Variants in RIMS2 observed in about 807,000 individuals in gnomAD.
The protein encoded by RIMS2 is regulating synaptic membrane exocytosis 2.
In RIMS2, 59 loss-of-function variants were observed where a neutral mutation model predicts 174.4. The ratio of observed to expected loss-of-function variants is 0.34; its 90% CI spans 0.27 to 0.42. The LOEUF (loss-of-function observed/expected upper bound fraction) is 0.42, where lower values mean the gene tolerates loss of function less well. Ranked by LOEUF, RIMS2 falls within the 10% of genes least tolerant of loss-of-function variation. RIMS2 has a pLI of 1.00. For synonymous variants in RIMS2, 606 were observed against 572.5 expected, an observed-to-expected ratio of 1.06 and a Z score of -0.84; for missense variants, 1,620 against 1,666.3, an observed-to-expected ratio of 0.97 and a Z score of 0.48.
intron 2 of RIMS2, among the ~76,000 whole-genome samples, chr8:103,698,053 T>A (rs1202611899): frequency 6.6e-6 from 1 of 152,242 alleles, no homozygotes; most frequent in East Asian, 1.9e-4. Context: ...CTTATTTATT[T>A]CAGTAGTTTT....
chr8:104,040,446 G>C (rs1368113947), intron 19 of RIMS2, among the ~76,000 whole-genome samples: 4 of 151,566 alleles, frequency 2.6e-5, no homozygotes, highest in African/African-American at 9.7e-5. Context: ...CCAAGTCACT[G>C]TATAAAATGT....
At chr8:104,040,393 A>G (rs1425900588) in intron 19 of RIMS2, among the ~76,000 whole-genome samples, 2 of 151,544 alleles carry the variant, frequency 1.3e-5, no homozygotes, top group African/African-American at 4.8e-5. Context: ...TTTGGAAGAA[A>G]TTTTTTCTTA....
chr8:103,623,480 T>TTG (rs2095688564), intron 1 of RIMS2, among the ~76,000 whole-genome samples: 1 of 127,926 alleles, frequency 7.8e-6, no homozygotes, highest in African/African-American at 3.0e-5. Flanking sequence ...TTTCTTCAGT[T>TTG]TTTTTTTTTT....
At chr8:103,961,215 G>T in intron 15 of RIMS2, 82 bp downstream of exon 17, 2 of 769,756 alleles carry the variant, frequency 2.6e-6, no homozygotes, top group Middle Eastern at 3.3e-4. Flanking sequence ...ATAAATAAAA[G>T]AGAAAGATAT....
rs150752819 is a variant in RIMS2, at chr8:103,917,669, A to G, written c.2037-772A>G. On this transcript the variant is annotated intron_variant, in intron 8 of 23. Transcript: ENST00000504942. ...TTTGGTGTAAATATAGTTCCAAGGT[A>G]ATGTTGAGATTCCCCATAAGAAACA... Among the ~76,000 whole-genome samples the G allele has an allele frequency of 3.3e-3, 503 of 152,294 alleles. 2 individuals carry two copies. The highest frequency in any genetic ancestry group is 0.011 in the African/African-American group (476 of 41,558).
chr8:103,957,758 A>T (rs888566131), intron 14 of RIMS2, among the ~76,000 whole-genome samples: 1 of 152,160 alleles, frequency 6.6e-6, no homozygotes, highest in Non-Finnish European at 1.5e-5. Context: ...AAGTGTAATA[A>T]TAAAAAAAGA....
intron 2 of RIMS2, among the ~76,000 whole-genome samples, chr8:103,735,770 A>C (rs190907667): frequency 2.0e-3 from 303 of 152,294 alleles, no homozygotes; most frequent in African/African-American, 6.9e-3. Context: ...TGTGCAGTAC[A>C]GGACAATGTT....
chr8:103,659,571 C>A (rs533112095), intron 1 of RIMS2, among the ~76,000 whole-genome samples: 1 of 152,326 alleles, frequency 6.6e-6, no homozygotes, highest in African/African-American at 2.4e-5. Flanking sequence ...CTCTTCACTG[C>A]CTGAGGACTT....
chr8:103,558,016 G>A (rs2090825339), intron 1 of RIMS2, among the ~76,000 whole-genome samples: 1 of 151,982 alleles, frequency 6.6e-6, no homozygotes, highest in South Asian at 2.1e-4. Context: ...AAAAATTTCT[G>A]TGATCTTAAA....
intron 19 of RIMS2, among the ~76,000 whole-genome samples, chr8:104,163,007 G>A (rs72685021): frequency 0.22 from 34,121 of 151,976 alleles, 4,561 homozygotes; most frequent in Non-Finnish European, 0.31. Flanking sequence ...AGACACAGTT[G>A]CAGTTATTTG....
intron 19 of RIMS2, among the ~76,000 whole-genome samples, chr8:104,186,316 A>T (rs1230385961): frequency 6.6e-6 from 1 of 151,774 alleles, no homozygotes; most frequent in African/African-American, 2.4e-5. Context: ...AAAAGCCATG[A>T]CTTCACTACT....
At chr8:103,565,243 T>C (rs1292132559) in intron 1 of RIMS2, among the ~76,000 whole-genome samples, 1 of 152,116 alleles carries the variant, frequency 6.6e-6, no homozygotes, top group African/African-American at 2.4e-5. Flanking sequence ...CAGTGGCCTT[T>C]GTTAGATGTA....
intron 19 of RIMS2, chr8:104,223,437 C>T (rs1206950495): frequency 1.8e-5 from 25 of 1,362,662 alleles, no homozygotes; most frequent in African/African-American, 1.5e-5. Context: ...CCATCTCCTC[C>T]TCTGGACCCC....
chr8:103,755,043 G>A, intron 2 of RIMS2, among the ~76,000 whole-genome samples: 1 of 152,090 alleles, frequency 6.6e-6, no homozygotes, highest in South Asian at 2.1e-4. Context: ...TTACAATTTG[G>A]TATGTTTTTG....
chr8:103,593,757 A>G (rs1317782301), intron 1 of RIMS2, among the ~76,000 whole-genome samples: 1 of 151,400 alleles, frequency 6.6e-6, no homozygotes, highest in Non-Finnish European at 1.5e-5. Context: ...ATGTTAATAT[A>G]AACAATACAT....
chr8:103,723,898 G>A (rs2097490444), intron 2 of RIMS2, among the ~76,000 whole-genome samples: 2 of 152,186 alleles, frequency 1.3e-5, no homozygotes, highest in Admixed American at 1.3e-4. Context: ...GTTCACTGTC[G>A]GGGAGCCTGG....
chr8:103,837,357 A>C (rs1282416400), intron 3 of RIMS2, among the ~76,000 whole-genome samples: 1 of 152,236 alleles, frequency 6.6e-6, no homozygotes, highest in Non-Finnish European at 1.5e-5. Context: ...AGCTGGGGAC[A>C]GCTCTCAGCT....
intron 19 of RIMS2, among the ~76,000 whole-genome samples, chr8:104,124,080 A>T (rs972003892): frequency 5.9e-5 from 9 of 152,086 alleles, no homozygotes; most frequent in African/African-American, 9.7e-5. Flanking sequence ...CCAGTGCAAA[A>T]TTTTTTTTAA....
intron 1 of RIMS2, among the ~76,000 whole-genome samples, chr8:103,573,060 A>G (rs2092950043): frequency 6.8e-6 from 1 of 146,440 alleles, no homozygotes; most frequent in African/African-American, 2.6e-5. Context: ...TTAAGTCTTC[A>G]ATCCAATTTT....
Sources: gnomAD v4.1 joint callset for allele counts (sites outside exome capture counted in the v4.1 genomes callset) on GRCh38, gnomAD v4.1.1 for gene constraint, MANE v1.5 for transcripts, NCBI Gene and HGNC (gene_info 2026-07-23, HGNC 2026-07-21) for gene names.